HORMAD2: variants seen among roughly 807,000 people sequenced by gnomAD.
The protein encoded by HORMAD2 is HORMA domain containing 2, also known as HORMA domain-containing protein 2.
A neutral mutation model predicts 38.8 loss-of-function variants in HORMAD2; 45 were observed. The ratio of observed to expected loss-of-function variants is 1.16; its 90% CI spans 0.91 to 1.49. The LOEUF (loss-of-function observed/expected upper bound fraction) is 1.49. Among genes scored for constraint, HORMAD2 ranks in the 40% most tolerant of loss-of-function variants. HORMAD2 has a pLI of 0.00. For missense variants in HORMAD2, 338 were observed against 367.0 expected (o/e 0.92, Z 0.65); for synonymous variants, 126 against 122.8 (o/e 1.03, Z -0.17).
the HORMAD2 span, among the ~76,000 whole-genome samples, chr22:30,183,380 C>A: frequency 6.6e-6 from 1 of 152,188 alleles, no homozygotes; most frequent in East Asian, 1.9e-4. Context: ...GCCCAGGCAC[C>A]AACTCCTCTG....
chr22:30,207,430 T>G, the HORMAD2 span, among the ~76,000 whole-genome samples: 6 of 152,064 alleles, frequency 3.9e-5, no homozygotes, highest in Non-Finnish European at 8.8e-5. Flanking sequence ...GTTTGACCTC[T>G]TTACCCAAAT....
chr22:30,148,077 C>G (rs1924528977), intron 10 of HORMAD2, among the ~76,000 whole-genome samples: 1 of 152,142 alleles, frequency 6.6e-6, no homozygotes, highest in Non-Finnish European at 1.5e-5. Context: ...TAGTTCCAAA[C>G]TGGAATTAAC....
chr22:30,128,578 C>T lies in HORMAD2; in HGVS notation c.819+6364C>T, dbSNP rs138378461. Among the ~76,000 whole-genome samples, 42 of 152,196 alleles carry T rather than the reference C, an allele frequency of 2.8e-4. No individual in the cohort carries two copies. In the East Asian group the frequency reaches 2.9e-3, roughly 10 times the overall value. On this transcript the variant is annotated intron_variant, in intron 10 of 10. Coordinates refer to ENST00000336726, the MANE Select transcript of HORMAD2 (RefSeq NM_152510.4). ...TGAAAGCATTTAAAAAATTTTTCTACGAATATAGTATCAGGAGTGAAATTT... is the reference window on the plus strand; with the variant it reads ...TGAAAGCATTTAAAAAATTTTTCTATGAATATAGTATCAGGAGTGAAATTT...
At chr22:30,163,920 G>A (rs1333475531) in intron 10 of HORMAD2, among the ~76,000 whole-genome samples, 2 of 152,006 alleles carry the variant, frequency 1.3e-5, no homozygotes, top group African/African-American at 4.8e-5. Flanking sequence ...TTCCCAAACT[G>A]AAACTCTATA....
rs71198524 is a variant in HORMAD2 at position 30,103,649 on chromosome 22, A to ATTTTTTTTTT, written c.257+171_257+180dup. 1.4e-3 allele frequency: 104 copies of ATTTTTTTTTT among 75,328 alleles called. 21 individuals are homozygous for ATTTTTTTTTT. The highest frequency in any genetic ancestry group is 8.3e-3 in the African/African-American group (64 of 7,692). The allele number at this position is 75,328 out of a possible 1,614,324, so 4.7% of individuals were successfully genotyped here. ...CTTTCTTTTTCTTTTTCTGTTTTTG[A>ATTTTTTTTTT]TTTTTTTTTTTTTTTTTTTTTTTTT... is the stretch of plus-strand genomic sequence containing the variant. On this transcript the variant is annotated intron_variant, in intron 4 of 10. Transcript: ENST00000336726.
In HORMAD2 at chr22:30,153,395, C is replaced by G. The variant is rs1303983874; in HGVS notation, c.820-22668C>G. On this transcript the variant is annotated intron_variant, in intron 10 of 10. Coordinates refer to ENST00000336726, the MANE Select transcript of HORMAD2 (RefSeq NM_152510.4). The stretch of plus-strand genomic sequence containing the variant: ...TATTTCCAGCATCAAGTCTAAACAC[C>G]TTTTCTTGGCTTTCGGGCTGCTTGT... Among the ~76,000 whole-genome samples, 4 of 152,224 alleles carry G rather than the reference C, an allele frequency of 2.6e-5. 1 individual carries two copies. The highest frequency in any genetic ancestry group is 2.0e-4 in the Admixed American group (3 of 15,290).
intron 10 of HORMAD2, among the ~76,000 whole-genome samples, chr22:30,170,274 G>A (rs1320483559): frequency 6.6e-6 from 1 of 152,226 alleles, no homozygotes. Flanking sequence ...ACTCACCCCA[G>A]GCACACAACT....
At chr22:30,100,393 C>T (rs1363057874) in intron 3 of HORMAD2, among the ~76,000 whole-genome samples, 6 of 151,958 alleles carry the variant, frequency 3.9e-5, no homozygotes, top group Non-Finnish European at 8.8e-5. Flanking sequence ...CGCAGAAAAC[C>T]GAAACTGGAC....
intron 10 of HORMAD2, among the ~76,000 whole-genome samples, chr22:30,135,834 A>T (rs1220478094): frequency 6.6e-6 from 1 of 152,228 alleles, no homozygotes; most frequent in Non-Finnish European, 1.5e-5. Context: ...GCCTGCCAAA[A>T]CAATTTTTAA....
rs541466600 is a variant in HORMAD2 at position 30,152,589 on chromosome 22, T to G, written c.820-23474T>G. On this transcript the variant is annotated intron_variant, in intron 10 of 10. Coordinates refer to ENST00000336726, the MANE Select transcript of HORMAD2 (RefSeq NM_152510.4). ...CAAGCAATCCTCCCACCTCACCCTC[T>G]CAAAGTGTTGGGATTACAAGTGTGA... is the stretch of plus-strand genomic sequence containing the variant. Among the ~76,000 whole-genome samples the G allele has an allele frequency of 2.0e-5, 3 of 152,320 alleles. No homozygotes were observed. In the South Asian group the frequency reaches 6.2e-4, roughly 32 times the overall value.
chr22:30,194,768 G>A, the HORMAD2 span, among the ~76,000 whole-genome samples: 4 of 152,210 alleles, frequency 2.6e-5, no homozygotes, highest in African/African-American at 9.6e-5. Flanking sequence ...TCTGAGCAGA[G>A]TAGCAACATG....
At chr22:30,093,005 T>A (rs2068718927) in intron 1 of HORMAD2, among the ~76,000 whole-genome samples, 1 of 152,210 alleles carries the variant, frequency 6.6e-6, no homozygotes, top group Non-Finnish European at 1.5e-5. Context: ...TTTAGGAGTT[T>A]TTTTCCGTTT....
chr22:30,175,458 G>T (rs1383794985), intron 10 of HORMAD2, among the ~76,000 whole-genome samples: 1 of 150,728 alleles, frequency 6.6e-6, no homozygotes, highest in Admixed American at 6.7e-5. Context: ...ATTAGGGATT[G>T]TTTGGCAGAT....
rs1926434029 is a variant in HORMAD2, at chr22:30,176,011, G to A, written c.820-52G>A. The A allele has an allele frequency of 5.2e-6, 6 of 1,156,506 alleles. No individual in the cohort carries two copies. The Admixed American group carries it at 8.5e-5, about 16-fold the overall frequency. 71.6% of individuals were successfully genotyped at this position (1,156,506 alleles called of 1,614,324 possible). A position where few individuals can be genotyped will look rare whatever the true frequency, so the allele number is the denominator to read the frequency against. The stretch of plus-strand genomic sequence containing the variant: ...TCTACCTGTCTTATATATGTCTTGT[G>A]CAGATGTCAAAATCTCTGCTGAATT... On this transcript the variant is annotated intron_variant, in intron 10 of 10. Transcript: ENST00000336726.
chr22:30,129,825 G>C (rs1923153210), intron 10 of HORMAD2, among the ~76,000 whole-genome samples: 3 of 152,084 alleles, frequency 2.0e-5, no homozygotes. Flanking sequence ...TGGTGATTTT[G>C]TGGATGAATC....
intron 1 of HORMAD2, among the ~76,000 whole-genome samples, chr22:30,087,198 C>T (rs1488435849): frequency 2.0e-5 from 3 of 152,030 alleles, no homozygotes; most frequent in East Asian, 1.9e-4. Context: ...AACATGGGAA[C>T]GAGGAAGGGA....
chr22:30,156,089 G>A (rs1172130802), intron 10 of HORMAD2, among the ~76,000 whole-genome samples: 3 of 152,158 alleles, frequency 2.0e-5, no homozygotes, highest in African/African-American at 4.8e-5. Flanking sequence ...TACTCCATTT[G>A]GCACTGACTC....
the HORMAD2 span, among the ~76,000 whole-genome samples, chr22:30,202,000 T>C: frequency 6.6e-6 from 1 of 152,168 alleles, no homozygotes; most frequent in Non-Finnish European, 1.5e-5. Flanking sequence ...ATGGTACACA[T>C]AATCTGTATT....
chr22:30,132,583 A>G (rs1394076008), intron 10 of HORMAD2, among the ~76,000 whole-genome samples: 2 of 151,794 alleles, frequency 1.3e-5, no homozygotes, highest in African/African-American at 4.8e-5. Context: ...CACACACATC[A>G]TTCTTTCTTC....
Sources: gnomAD v4.1 joint callset for allele counts (sites outside exome capture counted in the v4.1 genomes callset) on GRCh38, gnomAD v4.1.1 for gene constraint, MANE v1.5 for transcripts, NCBI Gene and HGNC (gene_info 2026-07-23, HGNC 2026-07-21) for gene names.